SYNE3: variants seen among roughly 807,000 people sequenced by gnomAD.
SYNE3 encodes the protein nesprin-3.
Under a neutral mutation model 111.2 loss-of-function variants are expected in SYNE3, and 100 were observed. That is an observed-to-expected ratio of 0.90 (90% confidence interval 0.77 to 1.06). The LOEUF is 1.06. SYNE3 is among the 50% of genes least tolerant of loss of function. SYNE3 has a pLI of 0.00. For synonymous variants in SYNE3, 547 were observed against 533.9 expected (o/e 1.02, Z -0.34); for missense variants, 1,160 against 1,240.3 (o/e 0.94, Z 0.97).
chr14:95,499,839 G>A (rs890186274), intron 1 of SYNE3, among the ~76,000 whole-genome samples: 1 of 133,860 alleles, frequency 7.5e-6, no homozygotes, highest in Non-Finnish European at 1.5e-5. Flanking sequence ...AGAATCCCCT[G>A]TATCACTAAC....
rs1170595462 is a variant in SYNE3 at position 95,409,348 on chromosome 14, T to G, written c.*8478A>C. 2.2e-6 allele frequency: 1 copy of G among 456,636 alleles called. No homozygotes were observed. Among genetic ancestry groups the G allele is most frequent in the Non-Finnish European group, 4.4e-6 (1 of 226,994 alleles). 28.3% of individuals were successfully genotyped at this position (456,636 alleles called of 1,614,324 possible). On this transcript the variant is annotated 3_prime_UTR_variant, in exon 18 of 18. Transcript: ENST00000682763. The stretch of plus-strand genomic sequence containing the variant: ...TCGGGGTATGTTTTCTTCCCTCCCT[T>G]TCTCATCAGAACAGGAAGAGGGACT...
chr14:95,461,109 G>A (rs910911570), intron 4 of SYNE3, among the ~76,000 whole-genome samples: 31 of 152,208 alleles, frequency 2.0e-4, no homozygotes, highest in African/African-American at 7.0e-4. Flanking sequence ...CAACCTTCTC[G>A]TTAGACCCAG....
At position 95,412,924 on chromosome 14, in the gene SYNE3, A is replaced by C. The variant is rs1270535686; in HGVS notation, c.*4902T>G. On this transcript the variant is annotated 3_prime_UTR_variant, in exon 18 of 18. Transcript: ENST00000682763. ...ACAGAGCCACCTTTACCTATCCCTC[A>C]TTTCCTAAAGGCCATTGAGCACCCT... The C allele has an allele frequency of 6.6e-6, 1 of 152,148 alleles. No individual in the cohort carries two copies. Among genetic ancestry groups the C allele is most frequent in the African/African-American group, 2.4e-5 (1 of 41,430 alleles). The allele number at this position is 152,148 out of a possible 1,614,324, so 9.4% of individuals were successfully genotyped here. A position where few individuals can be genotyped will look rare whatever the true frequency, so the allele number is the denominator to read the frequency against.
rs1054211805 is a variant in SYNE3 at position 95,437,042 on chromosome 14, TG to T, written c.2377-62del. On this transcript the variant is annotated intron_variant, in intron 14 of 17. Transcript: ENST00000682763. ...AAAGAGCCCCCCTGGCCATGTGTCC[TG>T]GGAATTCCACCTGAGGCAGAGGGGC... 9.3e-6 allele frequency: 15 copies of T among 1,604,704 alleles called. No individual in the cohort carries two copies. The Admixed American group carries it at 1.3e-4, about 14-fold the overall frequency.
At chr14:95,434,799 AG>A (rs1319037494) in intron 15 of SYNE3, among the ~76,000 whole-genome samples, 1 of 152,210 alleles carries the variant, frequency 6.6e-6, no homozygotes, top group Non-Finnish European at 1.5e-5. Context: ...CTGGGATTAC[AG>A]GCATGCACCA....
In SYNE3 at chr14:95,467,831, C is replaced by A. The variant is rs1252192857; in HGVS notation, c.281G>T (p.Trp94Leu). ...LARLKDIKAQ[W>L]EETVTYMTHC... is the part of the protein sequence containing the mutation. ...AGTCATGTAGGTGACTGTCTCCTCC[C>A]ATTGGGCCTTGATGTCCTTCAGCCG... is the stretch of plus-strand genomic sequence containing the variant. The change falls in exon 3 of 18, where the codon TGG becomes TTG. Residue 94 changes from tryptophan (W) to leucine (L), a missense_variant. Transcript: ENST00000682763. The A allele has an allele frequency of 2.5e-6, 4 of 1,614,040 alleles. No homozygotes were observed. Among genetic ancestry groups the A allele is most frequent in the Non-Finnish European group, 3.4e-6 (4 of 1,180,022 alleles).
chr14:95,439,630 A>G lies in SYNE3; in HGVS notation c.2228T>C (p.Leu743Pro), dbSNP rs535878871. 2.9e-5 allele frequency: 46 copies of G among 1,611,352 alleles called. No individual in the cohort carries two copies. The East Asian group carries it at 9.6e-4, about 34-fold the overall frequency. ...CTCTCACCTCAGCAGACTTTCTTCC[A>G]GCAGCCTCAAGGCCCGCCACGACTC... ...LAESWRALRL[L>P]EESLLSLIRN... The change falls in exon 13 of 18, where the codon CTG becomes CCG. Residue 743 changes from leucine (L) to proline (P), a missense_variant. Transcript: ENST00000682763.
Position 95,426,952 on chromosome 14 carries a change from A to AG in SYNE3, c.2727+5126_2727+5127insC, listed in dbSNP as rs1168928064. 1.7e-4 allele frequency among the ~76,000 whole-genome samples: 26 copies of AG among 151,226 alleles called. 1 individual carries two copies. The highest frequency in any genetic ancestry group is 5.6e-4 in the African/African-American group (23 of 41,280). ...AAGCAAGACTCCATCTCAAAAAAAA[A>AG]AAAAAAAAAAGAATAGTTATACTAG... On this transcript the variant is annotated intron_variant, in intron 17 of 17. Coordinates refer to ENST00000682763, the MANE Select transcript of SYNE3 (RefSeq NM_152592.6).
At chr14:95,455,847 C>A in intron 5 of SYNE3, 123 bp from the exon 6 acceptor site, 1 of 954,544 alleles carries the variant, frequency 1.0e-6, no homozygotes. Context: ...GCGTTAGAGC[C>A]AGAGAGGGGC....
At position 95,475,736 on chromosome 14, in the gene SYNE3, A is replaced by T; in HGVS notation, c.86T>A (p.Val29Asp). 1 of 1,607,420 alleles carries T rather than the reference A, an allele frequency of 6.2e-7. No homozygotes were observed. Among genetic ancestry groups the T allele is most frequent in the Non-Finnish European group, 8.5e-7 (1 of 1,177,416 alleles). Residue 29 changes from valine to aspartate, a missense_variant, in exon 2 of 18, where the codon GTC becomes GAC. Val to Asp is a radical substitution (Grantham distance 152). Transcript: ENST00000682763. ...WMKAVQDQLQ[V>D]NDNTQGPRAA... ...GCGGGGTCCCTGCGTGTTGTCATTG[A>T]CCTGCAGCTGGTCCTGCACAGCCTT...
At chr14:95,421,702 T>C (rs369818028) in intron 17 of SYNE3, among the ~76,000 whole-genome samples, 3 of 152,196 alleles carry the variant, frequency 2.0e-5, no homozygotes, top group Non-Finnish European at 4.4e-5. Flanking sequence ...CCCACAAGCT[T>C]CCCCTCTGCC....
chr14:95,420,423 G>C (rs997807310), intron 17 of SYNE3, among the ~76,000 whole-genome samples: 5 of 152,194 alleles, frequency 3.3e-5, no homozygotes, highest in African/African-American at 1.2e-4. Flanking sequence ...TGGAGGGTCT[G>C]CTTACAAGTG....
chr14:95,452,381 TG>T lies in SYNE3; in HGVS notation c.1139del (p.Ala380GlufsTer20), dbSNP rs751277412. On this transcript the variant is annotated frameshift_variant and splice_region_variant, in exon 7 of 18. Coordinates refer to ENST00000682763, the MANE Select transcript of SYNE3 (RefSeq NM_152592.6). LOFTEE classifies it high-confidence loss of function. ...ELVAHWRRYS[A>X]TRAALASEEP... ...CCTCCGAGGCCAGCGCCGCCCGTGT[TG>T]CCTGCAGCACATGACGACACCGCAG... The T allele has an allele frequency of 1.2e-6, 2 of 1,608,244 alleles. No individual in the cohort carries two copies. Among genetic ancestry groups the T allele is most frequent in the Admixed American group, 1.7e-5 (1 of 59,590 alleles).
In SYNE3 at chr14:95,455,494, C is replaced by G; in HGVS notation, c.1020G>C (p.Leu340=). The change falls in exon 6 of 18, where the codon CTG becomes CTC. Residue 340 remains leucine (L), a synonymous_variant. Coordinates refer to ENST00000682763, the MANE Select transcript of SYNE3 (RefSeq NM_152592.6). ...RGAWEQQIKQ[L]EAELSEFRMV... ...TCCTGAACTCACTGAGCTCAGCCTC[C>G]AGCTGCTTAATCTGCTGCTCCCAGG... The G allele has an allele frequency of 3.7e-6, 6 of 1,613,778 alleles. No individual in the cohort carries two copies. In the South Asian group the frequency reaches 6.6e-5, roughly 18 times the overall value.
chr14:95,453,845 A>G (rs954054918), intron 6 of SYNE3, among the ~76,000 whole-genome samples: 3 of 152,236 alleles, frequency 2.0e-5, no homozygotes, highest in Non-Finnish European at 4.4e-5. Context: ...ACGCTGCCCC[A>G]TGGCTGGGTG....
chr14:95,483,882 T>G (rs1889398353), intron 1 of SYNE3, among the ~76,000 whole-genome samples: 1 of 152,082 alleles, frequency 6.6e-6, no homozygotes, highest in African/African-American at 2.4e-5. Flanking sequence ...GGTTGTGAGG[T>G]CTACTCTACA....
In SYNE3 at chr14:95,408,946, C is replaced by G; in HGVS notation, c.*8880G>C. On this transcript the variant is annotated 3_prime_UTR_variant, in exon 18 of 18. Coordinates refer to ENST00000682763, the MANE Select transcript of SYNE3 (RefSeq NM_152592.6). ...GACAGTGGGTACCTGCTCCCGTCCC[C>G]TGGGACCTCATCCTGGTGTTGCCAG... The G allele has an allele frequency of 2.8e-6, 1 of 358,332 alleles. No homozygotes were observed. Among genetic ancestry groups the G allele is most frequent in the Non-Finnish European group, 5.5e-6 (1 of 180,900 alleles). The allele number at this position is 358,332 out of a possible 1,614,324, so 22.2% of individuals were successfully genotyped here.
intron 3 of SYNE3, among the ~76,000 whole-genome samples, chr14:95,466,589 T>C (rs1218508646): frequency 2.6e-5 from 4 of 152,188 alleles, no homozygotes; most frequent in African/African-American, 9.7e-5. Context: ...GAACTCCCAC[T>C]GTCAATGCAC....
intron 4 of SYNE3, among the ~76,000 whole-genome samples, chr14:95,461,833 C>T (rs1156308467): frequency 6.6e-6 from 1 of 152,232 alleles, no homozygotes; most frequent in Non-Finnish European, 1.5e-5. Flanking sequence ...AGAGCAGGGA[C>T]TGGGAGGCTG....
Sources: allele counts gnomAD v4.1 joint callset (sites outside exome capture counted in the v4.1 genomes callset), GRCh38; gene constraint gnomAD v4.1.1; transcripts MANE v1.5; gene names NCBI Gene and HGNC (gene_info 2026-07-23, HGNC 2026-07-21).